The following ENTPD1 variants were observed in gnomAD, a reference collection of about 807,000 sequenced individuals.
ENTPD1 encodes ATP diphosphohydrolase.
In ENTPD1, 33 loss-of-function variants were observed where a neutral mutation model predicts 57.0. The ratio of observed to expected loss-of-function variants is 0.58; its 90% CI spans 0.44 to 0.77. ENTPD1 has a LOEUF of 0.77. Ranked by LOEUF, ENTPD1 falls within the 30% of genes least tolerant of loss-of-function variation. The pLI is 0.00. For missense variants in ENTPD1, 501 were observed against 603.4 expected (o/e 0.83, Z 1.78); for synonymous variants, 202 against 218.8 (o/e 0.92, Z 0.68).
At chr10:95,851,496 T>G (rs2098445023) in intron 7 of ENTPD1, among the ~76,000 whole-genome samples, 1 of 152,008 alleles carries the variant, frequency 6.6e-6, no homozygotes, top group Non-Finnish European at 1.5e-5. Context: ...TTGTTAGATA[T>G]GTATACATAC....
At chr10:95,724,350 G>A (rs545244337) in intron 1 of ENTPD1, among the ~76,000 whole-genome samples, 134 of 152,120 alleles carry the variant, frequency 8.8e-4, no homozygotes, top group Non-Finnish European at 1.6e-3. Flanking sequence ...ATGTCCCTTC[G>A]TGGTCACCAA....
chr10:95,732,005 A>G (rs1332056109), intron 1 of ENTPD1, among the ~76,000 whole-genome samples: 1 of 150,970 alleles, frequency 6.6e-6, no homozygotes, highest in Non-Finnish European at 1.5e-5. Flanking sequence ...TTGACCTTGA[A>G]CTCCTGACCT....
intron 1 of ENTPD1, among the ~76,000 whole-genome samples, chr10:95,797,690 A>G (rs547974273): frequency 5.7e-4 from 87 of 152,268 alleles, no homozygotes; most frequent in African/African-American, 1.9e-3. Flanking sequence ...GGCTCTTTTA[A>G]ACAACCAGCT....
chr10:95,758,205 T>G (rs1050951496), intron 1 of ENTPD1, among the ~76,000 whole-genome samples: 1 of 151,920 alleles, frequency 6.6e-6, no homozygotes, highest in Admixed American at 6.6e-5. Context: ...TTCTTCTGTT[T>G]TAAGGGCCTA....
Position 95,872,372 on chromosome 10 carries a change from C to CCTACA in ENTPD1, c.*6003_*6007dup, listed in dbSNP as rs1001665338. ...ATCCCACTCCACTCCTCTGATGTTT[C>CCTACA]CTACACTACACTACACTATACTACA... On this transcript the variant is annotated 3_prime_UTR_variant, in exon 10 of 10. Transcript: ENST00000371205. 73 of 985,430 alleles carry CCTACA rather than the reference C, an allele frequency of 7.4e-5. No homozygotes were observed. In the South Asian group the frequency reaches 1.2e-3, roughly 16 times the overall value. 61.0% of individuals were successfully genotyped at this position (985,430 alleles called of 1,614,324 possible).
chr10:95,807,811 C>T (rs933716167), intron 1 of ENTPD1, among the ~76,000 whole-genome samples: 1 of 152,160 alleles, frequency 6.6e-6, no homozygotes, highest in African/African-American at 2.4e-5. Context: ...GCTTAAGGAG[C>T]TTTGGGGCTG....
chr10:95,750,322 G>A (rs539096144), intron 1 of ENTPD1, among the ~76,000 whole-genome samples: 40 of 152,254 alleles, frequency 2.6e-4, no homozygotes, highest in Non-Finnish European at 5.7e-4. Flanking sequence ...GTTGGAGGTG[G>A]GACCTGGTGG....
At chr10:95,854,041 G>A (rs9663685) in intron 7 of ENTPD1, among the ~76,000 whole-genome samples, 75,549 of 151,956 alleles carry the variant, frequency 0.5, 19,288 homozygotes, top group Admixed American at 0.6. Context: ...GGTAGAATTC[G>A]GCTGTGAATC....
rs2098478353 is a variant in ENTPD1 at position 95,869,671 on chromosome 10, A to G, written c.*3288A>G. 1.0e-6 allele frequency: 1 copy of G among 979,320 alleles called. No individual in the cohort carries two copies. Among genetic ancestry groups the G allele is most frequent in the Non-Finnish European group, 1.2e-6 (1 of 824,390 alleles). The allele number at this position is 979,320 out of a possible 1,614,324, so 60.7% of individuals were successfully genotyped here. On this transcript the variant is annotated 3_prime_UTR_variant, in exon 10 of 10. Transcript: ENST00000371205. Reference sequence around the variant, plus strand: ...CCAATTCTTAATAAGAAATATGTAAATAAAATTTTTTAAAATTACACTTCA... The same window carrying G: ...CCAATTCTTAATAAGAAATATGTAAGTAAAATTTTTTAAAATTACACTTCA...
chr10:95,809,031 G>A (rs12240959), intron 1 of ENTPD1, among the ~76,000 whole-genome samples: 24,238 of 151,998 alleles, frequency 0.16, 2,504 homozygotes, highest in African/African-American at 0.28. Context: ...AGAGAGCACG[G>A]GGTTGGGGGT....
the ENTPD1 span, among the ~76,000 whole-genome samples, chr10:95,694,421 TAAA>T: frequency 0.37 from 54,870 of 149,236 alleles, 10,793 homozygotes; most frequent in East Asian, 0.71. Context: ...ATGGCTTTTT[TAAA>T]AAAAAAAAAA....
At chr10:95,698,325 C>G in the ENTPD1 span, among the ~76,000 whole-genome samples, 1 of 152,130 alleles carries the variant, frequency 6.6e-6, no homozygotes, top group African/African-American at 2.4e-5. Flanking sequence ...ACAACTTATG[C>G]TGATATTCAG....
upstream of ENTPD1, among the ~76,000 whole-genome samples, chr10:95,710,052 GCGTAAGCCA>G (rs1167297135): frequency 6.6e-6 from 1 of 151,070 alleles, no homozygotes; most frequent in African/African-American, 2.4e-5. Context: ...GGGATTACAA[GCGTAAGCCA>G]CTGTGCACAG....
In ENTPD1 at chr10:95,872,019, T is replaced by TGC; in HGVS notation, c.*5637_*5638dup. On this transcript the variant is annotated 3_prime_UTR_variant, in exon 10 of 10. Transcript: ENST00000371205. ...TGTTTTACATGATTAATGCCACCCC[T>TGC]GCCTCAATGAACCAAGATCAGCTCC... 1 of 985,428 alleles carries TGC rather than the reference T, an allele frequency of 1.0e-6. No homozygotes were observed. Among genetic ancestry groups the TGC allele is most frequent in the Non-Finnish European group, 1.2e-6 (1 of 829,924 alleles). The allele number at this position is 985,428 out of a possible 1,614,324, so 61.0% of individuals were successfully genotyped here.
intron 1 of ENTPD1, among the ~76,000 whole-genome samples, chr10:95,792,275 C>G (rs934507631): frequency 3.9e-5 from 6 of 152,074 alleles, no homozygotes; most frequent in African/African-American, 1.4e-4. Context: ...CCCATAAGAC[C>G]CTGTCAAAAG....
chr10:95,795,742 A>C (rs1295781857), intron 1 of ENTPD1, among the ~76,000 whole-genome samples: 3 of 152,204 alleles, frequency 2.0e-5, no homozygotes, highest in African/African-American at 7.2e-5. Flanking sequence ...ATTTCATAGG[A>C]GATGCATCAG....
At position 95,867,500 on chromosome 10, in the gene ENTPD1, G is replaced by A. The variant is rs1390459121; in HGVS notation, c.*1117G>A. The A allele has an allele frequency of 2.0e-6, 2 of 985,478 alleles. No homozygotes were observed. Among genetic ancestry groups the A allele is most frequent in the Non-Finnish European group, 2.4e-6 (2 of 829,942 alleles). The allele number at this position is 985,478 out of a possible 1,614,324, so 61.0% of individuals were successfully genotyped here. A position where few individuals can be genotyped will look rare whatever the true frequency, so the allele number is the denominator to read the frequency against. On this transcript the variant is annotated 3_prime_UTR_variant, in exon 10 of 10. Transcript: ENST00000371205. ...TTCCAAGGTTTAATTTAGTGAGAGGGCAGCATTAGTGTGGAGTGGCATGCT... is the reference window on the plus strand; with the variant it reads ...TTCCAAGGTTTAATTTAGTGAGAGGACAGCATTAGTGTGGAGTGGCATGCT...
chr10:95,770,329 C>T (rs1410929047), intron 1 of ENTPD1, among the ~76,000 whole-genome samples: 2 of 149,552 alleles, frequency 1.3e-5, no homozygotes, highest in Non-Finnish European at 3.0e-5. Flanking sequence ...AGTATGGTGT[C>T]CTGGGAGCCA....
intron 1 of ENTPD1, among the ~76,000 whole-genome samples, chr10:95,789,368 A>T (rs2098193845): frequency 6.6e-6 from 1 of 152,210 alleles, no homozygotes; most frequent in South Asian, 2.1e-4. Flanking sequence ...GTTAACACCT[A>T]AAAAAGAAAG....
Sources: gnomAD v4.1 joint callset for allele counts (sites outside exome capture counted in the v4.1 genomes callset) on GRCh38, gnomAD v4.1.1 for gene constraint, MANE v1.5 for transcripts, NCBI Gene and HGNC (gene_info 2026-07-23, HGNC 2026-07-21) for gene names.